The following DNM3 variants were observed in gnomAD, a reference collection of about 807,000 sequenced individuals.
DNM3 encodes the protein dynamin-3.
A neutral mutation model predicts 101.6 loss-of-function variants in DNM3; 47 were observed. The observed-to-expected ratio is 0.46, with a 90% CI of 0.37 to 0.59. DNM3 has a LOEUF of 0.59. Ranked by LOEUF, DNM3 falls within the 20% of genes least tolerant of loss-of-function variation. The pLI is 0.00. For synonymous variants in DNM3, 385 were observed against 387.9 expected (o/e 0.99, Z 0.09); for missense variants, 849 against 1,085.7 (o/e 0.78, Z 3.06).
intron 15 of DNM3, among the ~76,000 whole-genome samples, chr1:172,286,221 C>T (rs545793012): frequency 6.6e-6 from 1 of 152,252 alleles, no homozygotes; most frequent in African/African-American, 2.4e-5. Context: ...AAAGTCATGG[C>T]ATGGGTGGAC....
chr1:172,042,891 T>C (rs2049492936), intron 8 of DNM3, among the ~76,000 whole-genome samples: 1 of 152,110 alleles, frequency 6.6e-6, no homozygotes, highest in Non-Finnish European at 1.5e-5. Context: ...TTGTTGATGA[T>C]TTTAGAAGAA....
intron 1 of DNM3, among the ~76,000 whole-genome samples, chr1:171,888,433 A>G (rs1455338566): frequency 2.0e-5 from 3 of 152,248 alleles, no homozygotes; most frequent in Non-Finnish European, 4.4e-5. Flanking sequence ...TTTAAAAATA[A>G]TAGCATCCTA....
intron 1 of DNM3, among the ~76,000 whole-genome samples, chr1:171,873,278 G>A (rs922879286): frequency 6.6e-6 from 1 of 152,080 alleles, no homozygotes; most frequent in Non-Finnish European, 1.5e-5. Context: ...TGCCTGACCT[G>A]TAGTAGGTGG....
intron 17 of DNM3, among the ~76,000 whole-genome samples, chr1:172,333,651 A>T (rs568959580): frequency 2.3e-4 from 35 of 152,308 alleles, no homozygotes; most frequent in African/African-American, 8.4e-4. Context: ...GAATTTTTTA[A>T]ATTATTGGAA....
intron 4 of DNM3, among the ~76,000 whole-genome samples, chr1:171,997,262 G>A (rs2046060890): frequency 6.6e-6 from 1 of 152,106 alleles, no homozygotes; most frequent in Non-Finnish European, 1.5e-5. Flanking sequence ...AAATAGAATT[G>A]TAATAGAATT....
At chr1:171,892,176 T>C (rs1282129059) in intron 1 of DNM3, among the ~76,000 whole-genome samples, 2 of 152,044 alleles carry the variant, frequency 1.3e-5, no homozygotes, top group Non-Finnish European at 2.9e-5. Flanking sequence ...TGTGTGTGCG[T>C]GTGTGTGTGT....
Position 172,189,082 on chromosome 1 carries a change from C to T in DNM3, c.1659+57794C>T, listed in dbSNP as rs536486536. 2.0e-5 allele frequency among the ~76,000 whole-genome samples: 3 copies of T among 152,094 alleles called. No individual in the cohort carries two copies. In the South Asian group the frequency reaches 6.2e-4, roughly 32 times the overall value. On this transcript the variant is annotated intron_variant, in intron 14 of 20. Transcript: ENST00000627582. ...TACATGCAGTTCTTTTTCGAGTAGA[C>T]TTATAGTTCTTTCAGCATCTTTTGT... is the stretch of plus-strand genomic sequence containing the variant.
At chr1:172,023,853 T>C (rs1183721928) in intron 4 of DNM3, among the ~76,000 whole-genome samples, 1 of 151,888 alleles carries the variant, frequency 6.6e-6, no homozygotes, top group Non-Finnish European at 1.5e-5. Flanking sequence ...GTGGTTTTTT[T>C]TTTTTTCCTT....
chr1:171,872,129 G>A (rs1222889583), intron 1 of DNM3, among the ~76,000 whole-genome samples: 1 of 151,954 alleles, frequency 6.6e-6, no homozygotes, highest in Admixed American at 6.6e-5. Context: ...GGGAAGATCA[G>A]GGAAAATGAC....
chr1:172,417,077 T>C (rs981116031), downstream of DNM3, among the ~76,000 whole-genome samples: 1 of 152,008 alleles, frequency 6.6e-6, no homozygotes. Flanking sequence ...TTTTCTGTTT[T>C]TGTTTTTGTT....
At chr1:172,172,375 A>T (rs994827031) in intron 14 of DNM3, among the ~76,000 whole-genome samples, 3 of 151,672 alleles carry the variant, frequency 2.0e-5, no homozygotes, top group African/African-American at 7.3e-5. Context: ...GATAACCGAG[A>T]CAGCTACTAA....
intron 20 of DNM3, among the ~76,000 whole-genome samples, chr1:172,418,009 TAAG>T (rs1390706745): frequency 6.6e-6 from 1 of 152,160 alleles, no homozygotes; most frequent in East Asian, 1.9e-4. Flanking sequence ...TGGTGCAAAA[TAAG>T]AAGCTTTTTG....
intron 14 of DNM3, among the ~76,000 whole-genome samples, chr1:172,202,836 A>G (rs935187142): frequency 1.3e-5 from 2 of 152,174 alleles, no homozygotes; most frequent in South Asian, 4.1e-4. Flanking sequence ...TGGACTGTAG[A>G]CAATTTACTG....
At chr1:172,268,802 T>C (rs1459385033) in intron 15 of DNM3, among the ~76,000 whole-genome samples, 2 of 152,180 alleles carry the variant, frequency 1.3e-5, no homozygotes, top group African/African-American at 2.4e-5. Flanking sequence ...TGAAATGAAA[T>C]AGGAGTATGA....
At chr1:172,080,291 G>T (rs1041875052) in intron 11 of DNM3, among the ~76,000 whole-genome samples, 2 of 152,160 alleles carry the variant, frequency 1.3e-5, no homozygotes, top group African/African-American at 2.4e-5. Flanking sequence ...CCTGACTGGG[G>T]CTGCTGCCTT....
At chr1:172,231,035 A>ATT (rs2148606510) in intron 14 of DNM3, among the ~76,000 whole-genome samples, 1 of 151,844 alleles carries the variant, frequency 6.6e-6, no homozygotes, top group East Asian at 2.0e-4. Flanking sequence ...AGATGAGTTC[A>ATT]TCTCATTTAA....
intron 4 of DNM3, among the ~76,000 whole-genome samples, chr1:172,005,273 G>C (rs2046611544): frequency 6.6e-6 from 1 of 152,062 alleles, no homozygotes; most frequent in Non-Finnish European, 1.5e-5. Context: ...TCTGGCACTT[G>C]ATAAACTATA....
At chr1:171,869,994 C>T (rs1226215724) in intron 1 of DNM3, among the ~76,000 whole-genome samples, 1 of 152,104 alleles carries the variant, frequency 6.6e-6, no homozygotes, top group Non-Finnish European at 1.5e-5. Context: ...TAGTTAGGCT[C>T]ATTAGACAGA....
intron 16 of DNM3, among the ~76,000 whole-genome samples, chr1:172,317,524 C>A (rs2148897635): frequency 6.6e-6 from 1 of 152,132 alleles, no homozygotes; most frequent in Non-Finnish European, 1.5e-5. Flanking sequence ...AGAGAAGAAT[C>A]AAATAGACGC....
Sources: allele counts gnomAD v4.1 joint callset (sites outside exome capture counted in the v4.1 genomes callset), GRCh38; gene constraint gnomAD v4.1.1; transcripts MANE v1.5; gene names NCBI Gene and HGNC (gene_info 2026-07-23, HGNC 2026-07-21).